The following TASP1 variants were observed in gnomAD, a reference collection of about 807,000 sequenced individuals.
TASP1 encodes the protein taspase 1.
Under a neutral mutation model 56.6 loss-of-function variants are expected in TASP1, and 16 were observed. That is an observed-to-expected ratio of 0.28 (90% CI 0.19 to 0.43). TASP1 has a LOEUF of 0.43. Ranked by LOEUF, TASP1 falls within the 20% of genes least tolerant of loss-of-function variation. The pLI is 1.00. For missense variants in TASP1, 393 were observed against 511.6 expected (o/e 0.77, Z 2.24); for synonymous variants, 179 against 184.2 (o/e 0.97, Z 0.23).
At chr20:13,194,104 GT>G in the TASP1 span, among the ~76,000 whole-genome samples, 1 of 152,128 alleles carries the variant, frequency 6.6e-6, no homozygotes, top group Non-Finnish European at 1.5e-5. Context: ...GCTATCATTA[GT>G]TTTGTTTTTT....
the TASP1 span, among the ~76,000 whole-genome samples, chr20:13,291,581 C>T: frequency 6.6e-6 from 1 of 152,128 alleles, no homozygotes; most frequent in Non-Finnish European, 1.5e-5. Context: ...TAGCTTGCAC[C>T]GGATTCCTGA....
chr20:13,536,514 A>C (rs2045424690), intron 8 of TASP1, among the ~76,000 whole-genome samples: 1 of 152,208 alleles, frequency 6.6e-6, no homozygotes, highest in Admixed American at 6.5e-5. Flanking sequence ...CAAATAAACA[A>C]ACTGTAAAAT....
chr20:13,189,487 C>T, the TASP1 span, among the ~76,000 whole-genome samples: 10 of 151,920 alleles, frequency 6.6e-5, no homozygotes, highest in East Asian at 1.9e-4. Context: ...AAAAAGTGGG[C>T]GAAGGACATA....
chr20:13,575,613 C>G (rs1319882483), intron 6 of TASP1, among the ~76,000 whole-genome samples: 5 of 152,060 alleles, frequency 3.3e-5, no homozygotes, highest in African/African-American at 1.2e-4. Context: ...TTACCCAGTC[C>G]TGGGTATTAG....
intron 4 of TASP1, among the ~76,000 whole-genome samples, chr20:13,594,377 T>C (rs1197416170): frequency 1.3e-5 from 2 of 152,154 alleles, no homozygotes; most frequent in East Asian, 1.9e-4. Context: ...AGAATGACTT[T>C]GAGGAGATGA....
At chr20:13,267,612 G>A in the TASP1 span, among the ~76,000 whole-genome samples, 1 of 152,168 alleles carries the variant, frequency 6.6e-6, no homozygotes, top group East Asian at 1.9e-4. Context: ...TAAGCCAGAA[G>A]CACTCTGTGG....
chr20:13,186,766 C>G, the TASP1 span, among the ~76,000 whole-genome samples: 16 of 152,178 alleles, frequency 1.1e-4, no homozygotes, highest in African/African-American at 3.6e-4. Context: ...AGTCATATTT[C>G]TAGCCAGACT....
intron 6 of TASP1, among the ~76,000 whole-genome samples, chr20:13,579,617 C>CT (rs970391044): frequency 2.0e-5 from 3 of 152,124 alleles, no homozygotes; most frequent in Non-Finnish European, 4.4e-5. Flanking sequence ...TCCCAAAGTG[C>CT]TGGGGTTACA....
the TASP1 span, among the ~76,000 whole-genome samples, chr20:13,125,991 C>T: frequency 6.6e-6 from 1 of 152,178 alleles, no homozygotes. Flanking sequence ...TTCCTTTGTT[C>T]AACTTCTCTC....
chr20:13,498,921 C>G (rs2146627182), intron 10 of TASP1, among the ~76,000 whole-genome samples: 1 of 151,654 alleles, frequency 6.6e-6, no homozygotes, highest in East Asian at 1.9e-4. Context: ...TCTCAAAGAA[C>G]TAAAAACAAA....
chr20:13,531,194 C>T (rs138684934), intron 9 of TASP1, among the ~76,000 whole-genome samples: 7 of 152,134 alleles, frequency 4.6e-5, no homozygotes, highest in African/African-American at 1.7e-4. Context: ...TGTAAGGTAG[C>T]CGGTTATCCC....
In TASP1 at chr20:13,512,716, AT is replaced by A. The variant is rs1226602345; in HGVS notation, c.874+15716del. Reference sequence around the variant, plus strand: ...AATGGTATTGCCTAGGTTTTCTTATATGGTTTTTATGGTTTTAGGTCTAACA... The same window carrying A: ...AATGGTATTGCCTAGGTTTTCTTATAGGTTTTTATGGTTTTAGGTCTAACA... On this transcript the variant is annotated intron_variant, in intron 10 of 13. Coordinates refer to ENST00000337743, the MANE Select transcript of TASP1 (RefSeq NM_017714.3). Among the ~76,000 whole-genome samples, 16 of 152,202 alleles carry A rather than the reference AT, an allele frequency of 1.1e-4. No homozygotes were observed. The South Asian group carries it at 3.1e-3, about 30-fold the overall frequency.
At chr20:13,410,733 G>A (rs955015112) in intron 13 of TASP1, among the ~76,000 whole-genome samples, 36 of 152,088 alleles carry the variant, frequency 2.4e-4, no homozygotes, top group Non-Finnish European at 2.2e-4. Context: ...TTAGTCCTCT[G>A]TCAGAAGAAA....
At chr20:13,148,456 T>A in the TASP1 span, among the ~76,000 whole-genome samples, 1 of 152,064 alleles carries the variant, frequency 6.6e-6, no homozygotes, top group Non-Finnish European at 1.5e-5. Context: ...TTAAGATGAG[T>A]GAAAGCTTCG....
chr20:13,627,089 A>C (rs2048921885), intron 2 of TASP1, among the ~76,000 whole-genome samples: 1 of 152,104 alleles, frequency 6.6e-6, no homozygotes. Flanking sequence ...CTGCTATTTC[A>C]TTTAAGTAAC....
At chr20:13,284,719 A>C in the TASP1 span, among the ~76,000 whole-genome samples, 1 of 152,160 alleles carries the variant, frequency 6.6e-6, no homozygotes, top group Admixed American at 6.5e-5. Context: ...GCTCACATAC[A>C]TACTTCTTCC....
chr20:13,504,540 G>T (rs985041879), intron 10 of TASP1, among the ~76,000 whole-genome samples: 5 of 152,120 alleles, frequency 3.3e-5, no homozygotes, highest in Non-Finnish European at 5.9e-5. Flanking sequence ...ACTCGTTGGT[G>T]AAGGAAAGGA....
At chr20:13,253,167 G>A in the TASP1 span, among the ~76,000 whole-genome samples, 1 of 152,164 alleles carries the variant, frequency 6.6e-6, no homozygotes, top group Non-Finnish European at 1.5e-5. Context: ...GGGAAAAGCA[G>A]GAAGGAACCA....
chr20:13,436,131 G>A (rs1344030182), intron 11 of TASP1, among the ~76,000 whole-genome samples: 3 of 152,078 alleles, frequency 2.0e-5, no homozygotes, highest in African/African-American at 7.2e-5. Context: ...GGGGAAAACT[G>A]GAGTGGAGGA....
Sources: allele counts gnomAD v4.1 joint callset (sites outside exome capture counted in the v4.1 genomes callset), GRCh38; gene constraint gnomAD v4.1.1; transcripts MANE v1.5; gene names NCBI Gene and HGNC (gene_info 2026-07-23, HGNC 2026-07-21).